The following EDEM3 variants were observed in gnomAD, a reference collection of about 807,000 sequenced individuals.
EDEM3 encodes ER degradation-enhancing alpha-mannosidase-like protein 3.
Under a neutral mutation model 110.2 loss-of-function variants are expected in EDEM3, and 60 were observed. The observed-to-expected ratio is 0.54, with a 90% CI of 0.44 to 0.67. The LOEUF (loss-of-function observed/expected upper bound fraction) is 0.67. EDEM3 is among the 30% of genes least tolerant of loss of function. EDEM3 has a pLI of 0.00. For missense variants in EDEM3, 996 were observed against 1,121.0 expected, an observed-to-expected ratio of 0.89 and a Z score of 1.59; for synonymous variants, 352 against 382.9, an observed-to-expected ratio of 0.92 and a Z score of 0.94.
In EDEM3 at chr1:184,692,917, TAAAAAC is replaced by T. The variant is rs1272237823; in HGVS notation, c.*1140_*1145del. On this transcript the variant is annotated 3_prime_UTR_variant, in exon 20 of 20. Transcript: ENST00000318130. ...AGTCCGTATCAGAAGGAATATCTGT[TAAAAAC>T]AAAAACAAAAACCATGATTCAACAG... The T allele has an allele frequency of 6.5e-6, 1 of 152,800 alleles. No individual in the cohort carries two copies. The highest frequency in any genetic ancestry group is 1.5e-5 in the Non-Finnish European group (1 of 68,110). 9.5% of individuals were successfully genotyped at this position (152,800 alleles called of 1,614,324 possible).
intron 15 of EDEM3, 84 bp from the exon 16 acceptor site, chr1:184,710,631 C>G: frequency 6.8e-7 from 1 of 1,472,326 alleles, no homozygotes; most frequent in Non-Finnish European, 9.1e-7. Flanking sequence ...AATAATGTTA[C>G]TTGCAAAATT....
chr1:184,749,650 T>C (rs940080492), intron 1 of EDEM3, 58 bp from the exon 2 acceptor site: 23 of 1,334,016 alleles, frequency 1.7e-5, no homozygotes, highest in Non-Finnish European at 2.2e-5. Flanking sequence ...TATATTCTAT[T>C]TATTATCTTT....
chr1:184,696,791 T>C (rs1238475197), intron 19 of EDEM3, among the ~76,000 whole-genome samples: 2 of 152,038 alleles, frequency 1.3e-5, no homozygotes. Flanking sequence ...AGTTTCTTTC[T>C]AGATTGTATT....
rs1456425665 is a variant in EDEM3, at chr1:184,691,890, T to C, written c.*2173A>G. Reference sequence around the variant, plus strand: ...TGAACAATTTGCTTCTAAGCGTCAATGAAAGGCAACACCTCCCTCTAATGG... The same window carrying C: ...TGAACAATTTGCTTCTAAGCGTCAACGAAAGGCAACACCTCCCTCTAATGG... On this transcript the variant is annotated 3_prime_UTR_variant, in exon 20 of 20. Coordinates refer to ENST00000318130, the MANE Select transcript of EDEM3 (RefSeq NM_025191.4). 6.6e-6 allele frequency: 1 copy of C among 152,130 alleles called. No homozygotes were observed. Among genetic ancestry groups the C allele is most frequent in the Non-Finnish European group, 1.5e-5 (1 of 67,994 alleles). 9.4% of individuals were successfully genotyped at this position (152,130 alleles called of 1,614,324 possible).
intron 2 of EDEM3, among the ~76,000 whole-genome samples, chr1:184,745,450 C>T (rs942349052): frequency 6.4e-4 from 98 of 152,136 alleles, no homozygotes; most frequent in Non-Finnish European, 4.4e-5. Context: ...TACAGAGTTT[C>T]AGATTGGGAA....
chr1:184,695,757 C>T (rs1386278665), intron 19 of EDEM3, among the ~76,000 whole-genome samples: 4 of 151,902 alleles, frequency 2.6e-5, no homozygotes, highest in Admixed American at 1.3e-4. Flanking sequence ...CAGAAAGTGA[C>T]ACTTGAGCTG....
At chr1:184,737,563 G>A (rs1252484374) in intron 3 of EDEM3, 48 bp downstream of exon 3, 1 of 1,565,640 alleles carries the variant, frequency 6.4e-7, no homozygotes, top group Admixed American at 1.7e-5. Flanking sequence ...AAAAGTCTAA[G>A]ACTTGGGAAC....
At chr1:184,733,373 C>T (rs1651634496) in intron 5 of EDEM3, among the ~76,000 whole-genome samples, 1 of 152,160 alleles carries the variant, frequency 6.6e-6, no homozygotes, top group Non-Finnish European at 1.5e-5. Context: ...AAACCTCTCG[C>T]TCTAGATTAA....
chr1:184,706,532 G>A (rs1649935976), intron 18 of EDEM3, 111 bp downstream of exon 18: 6 of 972,078 alleles, frequency 6.2e-6, no homozygotes, highest in Non-Finnish European at 7.3e-6. Context: ...GTCTAGGTGA[G>A]GTAAAAAAAA....
At chr1:184,737,329 C>T (rs1465346616) in intron 3 of EDEM3, among the ~76,000 whole-genome samples, 8 of 152,060 alleles carry the variant, frequency 5.3e-5, no homozygotes, top group Admixed American at 2.0e-4. Context: ...ATCAACAGTC[C>T]AATGTGCTAA....
chr1:184,720,383 C>T (rs1392364855), intron 9 of EDEM3: 1 of 151,966 alleles, frequency 6.6e-6, no homozygotes, highest in Non-Finnish European at 1.5e-5. Context: ...CCCAATAACC[C>T]TATAAATAGT....
intron 16 of EDEM3, 69 bp from the exon 17 acceptor site, chr1:184,708,413 A>G: frequency 6.5e-7 from 1 of 1,542,978 alleles, no homozygotes; most frequent in South Asian, 1.2e-5. Context: ...GATTTCCTAA[A>G]GACACTGTAC....
At chr1:184,705,749 A>G (rs936061725) in intron 18 of EDEM3, among the ~76,000 whole-genome samples, 3 of 152,110 alleles carry the variant, frequency 2.0e-5, no homozygotes, top group African/African-American at 4.8e-5. Flanking sequence ...TGTACAAAAG[A>G]ACTCACAATC....
At chr1:184,754,243 T>G (rs1652956022) in intron 1 of EDEM3, among the ~76,000 whole-genome samples, 1 of 152,146 alleles carries the variant, frequency 6.6e-6, no homozygotes, top group Non-Finnish European at 1.5e-5. Flanking sequence ...ACACCGCGCC[T>G]GGCTTCAAGG....
intron 7 of EDEM3, among the ~76,000 whole-genome samples, chr1:184,724,654 T>C (rs1370438009): frequency 6.6e-6 from 1 of 152,192 alleles, no homozygotes; most frequent in Non-Finnish European, 1.5e-5. Context: ...CTTGGCAGAT[T>C]ACAGAGTGTA....
chr1:184,698,465 A>C (rs1288060552), intron 19 of EDEM3, among the ~76,000 whole-genome samples: 1 of 151,832 alleles, frequency 6.6e-6, no homozygotes, highest in African/African-American at 2.4e-5. Flanking sequence ...AAGTTATGCT[A>C]TCCTACTAAC....
chr1:184,734,493 T>C (rs1651714196), intron 5 of EDEM3, 38 bp downstream of exon 5: 6 of 828,810 alleles, frequency 7.2e-6, no homozygotes, highest in Admixed American at 7.7e-5. Flanking sequence ...TAAATAAAAA[T>C]AAAATAAAAT....
intron 16 of EDEM3, among the ~76,000 whole-genome samples, chr1:184,709,366 T>C (rs1362732635): frequency 6.6e-6 from 1 of 152,154 alleles, no homozygotes; most frequent in Non-Finnish European, 1.5e-5. Context: ...CTTGTAGAAA[T>C]AGGTGACACT....
chr1:184,708,356 AC>A lies in EDEM3; in HGVS notation c.1846-13del. On this transcript the variant is annotated splice_polypyrimidine_tract_variant and intron_variant, in intron 16 of 19. Transcript: ENST00000318130. ...ATTGAACTAGCAGCCTATGAAAAAA[AC>A]AAATTCATTTTATCCTTCCTTTCTG... 1.2e-6 allele frequency: 2 copies of A among 1,608,946 alleles called. No individual in the cohort carries two copies. The highest frequency in any genetic ancestry group is 1.1e-5 in the South Asian group (1 of 89,936).
Sources: allele counts gnomAD v4.1 joint callset (sites outside exome capture counted in the v4.1 genomes callset), GRCh38; gene constraint gnomAD v4.1.1; transcripts MANE v1.5; gene names NCBI Gene and HGNC (gene_info 2026-07-23, HGNC 2026-07-21).